KIAA1958: variants seen among roughly 807,000 people sequenced by gnomAD.
KIAA1958 encodes KIAA1958.
In KIAA1958, 14 loss-of-function variants were observed where a neutral mutation model predicts 47.2. That is an observed-to-expected ratio of 0.30 (90% CI 0.20 to 0.46). KIAA1958 has a LOEUF of 0.46. Among genes scored for constraint, KIAA1958 ranks in the 20% least tolerant of loss-of-function variants. The probability of loss-of-function intolerance (pLI) is 1.00; values close to 1 mark genes in which losing one functional copy is unlikely to be tolerated. For missense variants in KIAA1958, 803 were observed against 909.2 expected, an observed-to-expected ratio of 0.88 and a Z score of 1.50; for synonymous variants, 354 against 353.3, an observed-to-expected ratio of 1.00 and a Z score of -0.02.
Position 112,669,263 on chromosome 9 carries a change from A to C in KIAA1958, c.*9194A>C, listed in dbSNP as rs1374864713. On this transcript the variant is annotated 3_prime_UTR_variant, in exon 4 of 4. Transcript: ENST00000337530. The stretch of plus-strand genomic sequence containing the variant: ...AGTCCGGCCCTCTAGTTGATAGTCC[A>C]GTAGTCTGTTAACAATTTGTAAGGA... The C allele has an allele frequency of 6.6e-6, 1 of 152,208 alleles. No homozygotes were observed. The highest frequency in any genetic ancestry group is 1.5e-5 in the Non-Finnish European group (1 of 68,050). The allele number at this position is 152,208 out of a possible 1,614,324, so 9.4% of individuals were successfully genotyped here.
chr9:112,561,604 C>T (rs1835333288), intron 1 of KIAA1958, among the ~76,000 whole-genome samples: 1 of 152,102 alleles, frequency 6.6e-6, no homozygotes, highest in Non-Finnish European at 1.5e-5. Context: ...CCTGTAATCC[C>T]AGCACTCTGG....
At chr9:112,653,729 G>A (rs753785233) in intron 3 of KIAA1958, among the ~76,000 whole-genome samples, 8 of 152,188 alleles carry the variant, frequency 5.3e-5, no homozygotes, top group Middle Eastern at 6.8e-3. Context: ...TTGAAACCCC[G>A]TCTCTACTAA....
intron 1 of KIAA1958, among the ~76,000 whole-genome samples, chr9:112,560,795 A>G (rs1835313951): frequency 6.6e-6 from 1 of 152,104 alleles, no homozygotes; most frequent in South Asian, 2.1e-4. Flanking sequence ...GAATATTGCA[A>G]GGTAGTTGCT....
chr9:112,558,939 CT>C (rs1835285749), intron 1 of KIAA1958, among the ~76,000 whole-genome samples: 1 of 152,156 alleles, frequency 6.6e-6, no homozygotes. Flanking sequence ...ATAATATTAA[CT>C]TATTACCACA....
Position 112,555,066 on chromosome 9 carries a change from C to T in KIAA1958, c.-24-18991C>T, listed in dbSNP as rs532550609. Among the ~76,000 whole-genome samples, 6 of 152,302 alleles carry T rather than the reference C, an allele frequency of 3.9e-5. No individual in the cohort carries two copies. In the South Asian group the frequency reaches 1.2e-3, roughly 32 times the overall value. ...CAGAAAGGTAATTAGTGCTGAGCAC[C>T]TAACACAAGTCAAAGAAAAGTCTTC... On this transcript the variant is annotated intron_variant, in intron 1 of 3. Coordinates refer to ENST00000337530, the MANE Select transcript of KIAA1958 (RefSeq NM_133465.4).
chr9:112,607,652 G>GA (rs1014873237), intron 2 of KIAA1958, among the ~76,000 whole-genome samples: 3 of 133,240 alleles, frequency 2.3e-5, no homozygotes, highest in Non-Finnish European at 4.6e-5. Context: ...CTCTGTACCA[G>GA]AAAAAAAGAC....
At chr9:112,494,165 G>A (rs1422275838) in intron 1 of KIAA1958, among the ~76,000 whole-genome samples, 1 of 151,938 alleles carries the variant, frequency 6.6e-6, no homozygotes, top group Non-Finnish European at 1.5e-5. Context: ...ATACCCAAGG[G>A]CTTTTTCTTC....
chr9:112,525,281 C>T (rs1834621229), intron 1 of KIAA1958, among the ~76,000 whole-genome samples: 1 of 152,156 alleles, frequency 6.6e-6, no homozygotes, highest in African/African-American at 2.4e-5. Flanking sequence ...AATGTTTTTA[C>T]TCTGCTGGCT....
intron 2 of KIAA1958, among the ~76,000 whole-genome samples, chr9:112,598,152 G>T (rs944892436): frequency 6.6e-6 from 1 of 152,136 alleles, no homozygotes; most frequent in Non-Finnish European, 1.5e-5. Flanking sequence ...GAGAATGAAG[G>T]ATGAGAGGTT....
intron 1 of KIAA1958, among the ~76,000 whole-genome samples, chr9:112,527,107 T>C (rs1380559094): frequency 6.6e-6 from 1 of 152,248 alleles, no homozygotes; most frequent in Admixed American, 6.5e-5. Context: ...TTTCTTTTTC[T>C]TTAGAGATAG....
At chr9:112,632,375 C>T (rs1037957801) in intron 2 of KIAA1958, among the ~76,000 whole-genome samples, 3 of 151,734 alleles carry the variant, frequency 2.0e-5, no homozygotes, top group Non-Finnish European at 4.4e-5. Context: ...TATTCATCTC[C>T]TAATGGGTTT....
At chr9:112,585,024 T>A (rs953258046) in intron 2 of KIAA1958, among the ~76,000 whole-genome samples, 20 of 152,208 alleles carry the variant, frequency 1.3e-4, no homozygotes, top group African/African-American at 4.8e-4. Context: ...CATTTATTTT[T>A]AAAATTAGAA....
chr9:112,542,178 T>C (rs1834955773), intron 1 of KIAA1958, among the ~76,000 whole-genome samples: 1 of 152,184 alleles, frequency 6.6e-6, no homozygotes, highest in Admixed American at 6.5e-5. Flanking sequence ...ACCATGAATA[T>C]GAAAATATGC....
chr9:112,630,935 A>G (rs1836697836), intron 2 of KIAA1958, among the ~76,000 whole-genome samples: 1 of 152,266 alleles, frequency 6.6e-6, no homozygotes. Context: ...CGAGGAACTC[A>G]TCTTTAAGTG....
chr9:112,520,869 C>A (rs1281039867), intron 1 of KIAA1958, among the ~76,000 whole-genome samples: 1 of 152,152 alleles, frequency 6.6e-6, no homozygotes, highest in Non-Finnish European at 1.5e-5. Context: ...TGAAACATAT[C>A]CCCAGCACCT....
intron 1 of KIAA1958, among the ~76,000 whole-genome samples, chr9:112,557,711 A>G (rs965954055): frequency 2.0e-5 from 3 of 152,326 alleles, no homozygotes; most frequent in African/African-American, 7.2e-5. Context: ...AGCTGTAGGA[A>G]TCTGAGGTAG....
chr9:112,534,735 G>T (rs754934778), intron 1 of KIAA1958, among the ~76,000 whole-genome samples: 2 of 151,822 alleles, frequency 1.3e-5, no homozygotes, highest in African/African-American at 4.8e-5. Flanking sequence ...TTAGAGATGG[G>T]GTTTCTCCAT....
chr9:112,581,520 G>C (rs1835734917), intron 2 of KIAA1958, among the ~76,000 whole-genome samples: 1 of 152,238 alleles, frequency 6.6e-6, no homozygotes, highest in South Asian at 2.1e-4. Context: ...CAAAAATGCT[G>C]TGTCTGCCCA....
chr9:112,508,655 A>C (rs944985507), intron 1 of KIAA1958, among the ~76,000 whole-genome samples: 1 of 152,250 alleles, frequency 6.6e-6, no homozygotes, highest in Non-Finnish European at 1.5e-5. Context: ...TGCCAGAAGG[A>C]TGGTTAAAAT....
Sources: allele counts gnomAD v4.1 joint callset (sites outside exome capture counted in the v4.1 genomes callset), GRCh38; gene constraint gnomAD v4.1.1; transcripts MANE v1.5; gene names NCBI Gene and HGNC (gene_info 2026-07-23, HGNC 2026-07-21).